DNAAF9: variants seen among roughly 807,000 people sequenced by gnomAD.
DNAAF9 encodes the protein dynein axonemal assembly factor 9, also known as shulin.
In DNAAF9, 90 loss-of-function variants were observed where a neutral mutation model predicts 167.0. The ratio of observed to expected loss-of-function variants is 0.54; its 90% CI spans 0.45 to 0.64. The LOEUF (loss-of-function observed/expected upper bound fraction) is 0.64, where lower values mean the gene tolerates loss of function less well. Among genes scored for constraint, DNAAF9 ranks in the 30% least tolerant of loss-of-function variants. The pLI, the probability that DNAAF9 is intolerant of heterozygous loss-of-function variation, is 0.00. For missense variants in DNAAF9, 1,315 were observed against 1,442.2 expected (o/e 0.91, Z 1.43); for synonymous variants, 491 against 508.8 (o/e 0.96, Z 0.47).
rs142325641 is a variant in DNAAF9, at chr20:3,332,871, C to A, written c.982-510G>T. Among the ~76,000 whole-genome samples the A allele has an allele frequency of 2.9e-3, 429 of 147,704 alleles. 3 individuals carry two copies. The highest frequency in any genetic ancestry group is 4.2e-3 in the Non-Finnish European group (280 of 67,074). ...AGGTATCTTTTGGTGCGTGTGCGTG[C>A]GTGCATGCGTGTGTGCGTGTGTGCG... On this transcript the variant is annotated intron_variant, in intron 10 of 36. Coordinates refer to ENST00000252032, the MANE Select transcript of DNAAF9 (RefSeq NM_001009984.3).
chr20:3,382,186 C>A (rs1315139133), intron 2 of DNAAF9, among the ~76,000 whole-genome samples: 1 of 152,086 alleles, frequency 6.6e-6, no homozygotes, highest in African/African-American at 2.4e-5. Context: ...TGGCAGGAGG[C>A]AGCTATATAT....
chr20:3,294,722 A>G, intron 23 of DNAAF9, 93 bp from the exon 24 acceptor site: 1 of 790,924 alleles, frequency 1.3e-6, no homozygotes, highest in Non-Finnish European at 2.1e-6. Context: ...GCCAGAGTCC[A>G]ATGACAGAGT....
chr20:3,374,391 T>C (rs953697937), intron 5 of DNAAF9, among the ~76,000 whole-genome samples: 1 of 152,244 alleles, frequency 6.6e-6, no homozygotes, highest in African/African-American at 2.4e-5. Context: ...CAGTATATTG[T>C]AACATTCCAG....
In DNAAF9 at chr20:3,340,561, A is replaced by C; in HGVS notation, c.924T>G (p.Pro308=). Residue 308 remains proline, a synonymous_variant, in exon 10 of 37, where the codon CCT becomes CCG. Coordinates refer to ENST00000252032, the MANE Select transcript of DNAAF9 (RefSeq NM_001009984.3). ...TGCTTCGTACCAGATGTCCTTCAGAAGGGAAGTTAAAGTTGCCAGCATTCA... is the reference window on the plus strand; with the variant it reads ...TGCTTCGTACCAGATGTCCTTCAGACGGGAAGTTAAAGTTGCCAGCATTCA... ...ENLNAGNFNF[P]SEGHLVRSTG... The C allele has an allele frequency of 1.9e-6, 3 of 1,613,710 alleles. No homozygotes were observed. Among genetic ancestry groups the C allele is most frequent in the Non-Finnish European group, 2.5e-6 (3 of 1,179,862 alleles).
intron 20 of DNAAF9, among the ~76,000 whole-genome samples, chr20:3,309,837 C>T (rs1386518697): frequency 1.3e-5 from 2 of 152,036 alleles, no homozygotes; most frequent in African/African-American, 4.8e-5. Flanking sequence ...AAAAGACAAG[C>T]CACCAGGTGA....
intron 20 of DNAAF9, among the ~76,000 whole-genome samples, chr20:3,309,790 G>T (rs1049782137): frequency 1.3e-5 from 2 of 151,952 alleles, no homozygotes; most frequent in Non-Finnish European, 2.9e-5. Flanking sequence ...TTAAAACTAA[G>T]AACTTTTATT....
chr20:3,268,582 C>T (rs1447007749), intron 30 of DNAAF9, among the ~76,000 whole-genome samples: 1 of 152,222 alleles, frequency 6.6e-6, no homozygotes, highest in East Asian at 1.9e-4. Context: ...CTGCCTTGGC[C>T]TCCCAAAGTG....
At chr20:3,273,321 C>G (rs150796786) in intron 29 of DNAAF9, among the ~76,000 whole-genome samples, 71 of 152,060 alleles carry the variant, frequency 4.7e-4, no homozygotes, top group African/African-American at 1.7e-3. Context: ...TTATTGAGGG[C>G]GAAACTCAGA....
Position 3,359,729 on chromosome 20 carries a change from T to C in DNAAF9, c.613-136A>G, listed in dbSNP as rs557686510. The C allele has an allele frequency of 6.4e-6, 4 of 623,380 alleles. No individual in the cohort carries two copies. The African/African-American group carries it at 7.5e-5, about 12-fold the overall frequency. 38.6% of individuals were successfully genotyped at this position (623,380 alleles called of 1,614,324 possible). A position where few individuals can be genotyped will look rare whatever the true frequency, so the allele number is the denominator to read the frequency against. On this transcript the variant is annotated intron_variant, in intron 6 of 36. Coordinates refer to ENST00000252032, the MANE Select transcript of DNAAF9 (RefSeq NM_001009984.3). ...GAATAATAAATCAAAAATTTATCAA[T>C]TATATTTGCCCTATACATATTAATA...
At chr20:3,391,681 A>G (rs1012709061) in intron 1 of DNAAF9, among the ~76,000 whole-genome samples, 3 of 151,240 alleles carry the variant, frequency 2.0e-5, no homozygotes, top group Non-Finnish European at 4.4e-5. Context: ...CCCGGGTTCA[A>G]GCGTTTCTCC....
intron 7 of DNAAF9, among the ~76,000 whole-genome samples, chr20:3,349,393 AATGGACAGTAATGATCC>A (rs1241758945): frequency 6.6e-6 from 1 of 151,908 alleles, no homozygotes; most frequent in African/African-American, 2.4e-5. Context: ...AAAATGAATG[AATGGACAGTAATGATCC>A]TTAAGCACCT....
intron 20 of DNAAF9, among the ~76,000 whole-genome samples, chr20:3,308,837 G>A (rs1190162246): frequency 2.0e-5 from 3 of 151,794 alleles, no homozygotes; most frequent in African/African-American, 7.3e-5. Flanking sequence ...AAATTAGCCA[G>A]GTGTGGTGCC....
intron 1 of DNAAF9, among the ~76,000 whole-genome samples, chr20:3,391,814 G>A (rs2083831610): frequency 6.6e-6 from 1 of 151,904 alleles, no homozygotes. Flanking sequence ...CCTGACCTCA[G>A]GTGATCCACC....
At chr20:3,341,358 A>G (rs1340060638) in intron 9 of DNAAF9, among the ~76,000 whole-genome samples, 1 of 152,070 alleles carries the variant, frequency 6.6e-6, no homozygotes, top group Non-Finnish European at 1.5e-5. Context: ...CTCCACTGCA[A>G]GAACTGCAGT....
chr20:3,279,281 A>AT (rs2068727345), intron 28 of DNAAF9, among the ~76,000 whole-genome samples: 1 of 152,234 alleles, frequency 6.6e-6, no homozygotes, highest in African/African-American at 2.4e-5. Context: ...AGTAAAGTGG[A>AT]TATTTCAAGG....
intron 1 of DNAAF9, among the ~76,000 whole-genome samples, chr20:3,385,328 T>C (rs2083718147): frequency 6.6e-6 from 1 of 152,176 alleles, no homozygotes; most frequent in Admixed American, 6.5e-5. Flanking sequence ...ATGGTCTCTG[T>C]AGGAAATCTT....
intron 7 of DNAAF9, among the ~76,000 whole-genome samples, chr20:3,357,854 T>A (rs927773774): frequency 2.6e-5 from 4 of 151,326 alleles, no homozygotes; most frequent in African/African-American, 9.7e-5. Flanking sequence ...ACAAAAAAAA[T>A]AAAAAATTAG....
chr20:3,253,191 C>T (rs886912590), intron 36 of DNAAF9, among the ~76,000 whole-genome samples: 24 of 152,166 alleles, frequency 1.6e-4, no homozygotes, highest in Non-Finnish European at 4.4e-5. Flanking sequence ...TCTGTAATCC[C>T]AGCACTTCAG....
At chr20:3,407,350 C>G in intron 1 of DNAAF9, 125 bp downstream of exon 1, 3 of 798,160 alleles carry the variant, frequency 3.8e-6, no homozygotes, top group South Asian at 1.1e-4. Context: ...CTCCCTGAGC[C>G]GTTCAGCAAA....
Sources: allele counts gnomAD v4.1 joint callset (sites outside exome capture counted in the v4.1 genomes callset), GRCh38; gene constraint gnomAD v4.1.1; transcripts MANE v1.5; gene names NCBI Gene and HGNC (gene_info 2026-07-23, HGNC 2026-07-21).